HIKESHI: variants seen among roughly 807,000 people sequenced by gnomAD.
HIKESHI encodes the protein heat shock protein nuclear import factor hikeshi.
HIKESHI carries 13 observed loss-of-function variants against 25.7 expected under a neutral mutation model. That is an observed-to-expected ratio of 0.51 (90% confidence interval 0.33 to 0.80). The LOEUF (loss-of-function observed/expected upper bound fraction) is 0.80, where lower values mean the gene tolerates loss of function less well. Among genes scored for constraint, HIKESHI ranks in the 30% least tolerant of loss-of-function variants. HIKESHI has a pLI of 0.02. For missense variants in HIKESHI, 174 were observed against 229.5 expected, an observed-to-expected ratio of 0.76 and a Z score of 1.56; for synonymous variants, 76 against 78.7, an observed-to-expected ratio of 0.97 and a Z score of 0.18.
chr11:86,307,173 A>G (rs5029017), intron 2 of HIKESHI, among the ~76,000 whole-genome samples: 1 of 88,472 alleles, frequency 1.1e-5, no homozygotes, highest in African/African-American at 4.4e-5. Flanking sequence ...TATACATCAT[A>G]TATCAAATAT....
rs932426100 is a variant in HIKESHI at position 86,344,474 on chromosome 11, C to T, written c.421-129C>T. 7.2e-6 allele frequency: 4 copies of T among 553,450 alleles called. No homozygotes were observed. The African/African-American group carries it at 7.8e-5, about 11-fold the overall frequency. 34.3% of individuals were successfully genotyped at this position (553,450 alleles called of 1,614,324 possible). A position where few individuals can be genotyped will look rare whatever the true frequency, so the allele number is the denominator to read the frequency against. The stretch of plus-strand genomic sequence containing the variant: ...TGAGCCACCGCACCCAGCCAGCTTT[C>T]AGCATTAGACTCTCTTAGAACTGAC... On this transcript the variant is annotated intron_variant, in intron 3 of 4. Transcript: ENST00000278483.
rs111789056 is a variant in HIKESHI at position 86,337,761 on chromosome 11, G to A, written c.420+231G>A. On this transcript the variant is annotated intron_variant, in intron 3 of 4. Coordinates refer to ENST00000278483, the MANE Select transcript of HIKESHI (RefSeq NM_016401.4). ...CAATTTCCGCCTCCCGGGTTCAAGC[G>A]ATTCTCCTGCCTCAGTCTCCTGAGT... is the stretch of plus-strand genomic sequence containing the variant. 3.1e-3 allele frequency among the ~76,000 whole-genome samples: 473 copies of A among 152,222 alleles called. 2 individuals are homozygous for A. The highest frequency in any genetic ancestry group is 5.4e-3 in the Non-Finnish European group (369 of 67,994).
rs758026918 is a variant in HIKESHI at position 86,306,324 on chromosome 11, T to C, written c.110T>C (p.Val37Ala). ...GATTATGAAAGTATCAACCATGTTGTGGTTTTTATGCTGGGAACAATCCCA... is the reference window on the plus strand; with the variant it reads ...GATTATGAAAGTATCAACCATGTTGCGGTTTTTATGCTGGGAACAATCCCA... Reference protein sequence around the residue: ...LPDYESINHVVVFMLGTIPFP... With the variant: ...LPDYESINHVAVFMLGTIPFP... Residue 37 changes from valine to alanine, a missense_variant, in exon 2 of 5, where the codon GTG becomes GCG. By Grantham distance (64) the Val-to-Ala change is moderately conservative (BLOSUM62 0). Coordinates refer to ENST00000278483, the MANE Select transcript of HIKESHI (RefSeq NM_016401.4). 6.2e-7 allele frequency: 1 copy of C among 1,614,158 alleles called. No individual in the cohort carries two copies.
chr11:86,318,748 C>T (rs751192025), intron 2 of HIKESHI, among the ~76,000 whole-genome samples: 15 of 152,044 alleles, frequency 9.9e-5, no homozygotes, highest in Non-Finnish European at 1.6e-4. Context: ...CAGAAATGAC[C>T]ACCTCATGGA....
chr11:86,331,897 T>C (rs1947434774), intron 2 of HIKESHI, among the ~76,000 whole-genome samples: 1 of 152,124 alleles, frequency 6.6e-6, no homozygotes, highest in Non-Finnish European at 1.5e-5. Flanking sequence ...TTTAAGTTGT[T>C]TCTGTGTAGT....
chr11:86,317,017 C>A (rs1565727485), intron 2 of HIKESHI, among the ~76,000 whole-genome samples: 1 of 151,960 alleles, frequency 6.6e-6, no homozygotes, highest in Admixed American at 6.6e-5. Flanking sequence ...TGGTCTCGAT[C>A]TCCTGACCTT....
At chr11:86,308,198 T>C (rs1229575755) in intron 2 of HIKESHI, among the ~76,000 whole-genome samples, 1 of 115,670 alleles carries the variant, frequency 8.6e-6, no homozygotes, top group Non-Finnish European at 1.7e-5. Context: ...ATAAAATATA[T>C]ATTATATATA....
chr11:86,319,750 C>T (rs915466816), intron 2 of HIKESHI, among the ~76,000 whole-genome samples: 3 of 152,004 alleles, frequency 2.0e-5, no homozygotes, highest in Non-Finnish European at 4.4e-5. Flanking sequence ...TCTCCATTTC[C>T]AAGAAACTAC....
At chr11:86,309,342 TGTC>T (rs1946771829) in intron 2 of HIKESHI, among the ~76,000 whole-genome samples, 2 of 152,254 alleles carry the variant, frequency 1.3e-5, no homozygotes, top group Non-Finnish European at 2.9e-5. Context: ...TTTTTTCACG[TGTC>T]TGTTGGCTAC....
intron 2 of HIKESHI, among the ~76,000 whole-genome samples, chr11:86,310,785 T>A (rs1946814801): frequency 6.6e-6 from 1 of 152,188 alleles, no homozygotes; most frequent in Non-Finnish European, 1.5e-5. Context: ...GGTGTTGAAT[T>A]TTGTCAAAGG....
At chr11:86,336,086 A>G (rs1947550856) in intron 2 of HIKESHI, among the ~76,000 whole-genome samples, 2 of 152,220 alleles carry the variant, frequency 1.3e-5, no homozygotes, top group Admixed American at 1.3e-4. Context: ...TTATAGCTGA[A>G]AAGTACAGTA....
chr11:86,334,236 ATG>A (rs60951435), intron 2 of HIKESHI, among the ~76,000 whole-genome samples: 8,972 of 146,840 alleles, frequency 0.061, 308 homozygotes, highest in African/African-American at 0.093. Flanking sequence ...TTTGTAAAAT[ATG>A]TGTGTGTGTG....
chr11:86,311,991 A>G (rs1365787000), intron 2 of HIKESHI, among the ~76,000 whole-genome samples: 2 of 152,120 alleles, frequency 1.3e-5, no homozygotes, highest in Non-Finnish European at 2.9e-5. Flanking sequence ...TATGTGGTCA[A>G]TTTTGGAATA....
chr11:86,344,582 A>C, intron 3 of HIKESHI, 21 bp from the exon 4 acceptor site: 1 of 1,333,756 alleles, frequency 7.5e-7, no homozygotes, highest in Non-Finnish European at 1.1e-6. Flanking sequence ...ATAATCCATT[A>C]ATCTATTATT....
At chr11:86,316,356 A>T (rs555860338) in intron 2 of HIKESHI, among the ~76,000 whole-genome samples, 2 of 151,194 alleles carry the variant, frequency 1.3e-5, no homozygotes, top group Non-Finnish European at 3.0e-5. Flanking sequence ...CACTAAAAAT[A>T]CAAAAATTAG....
At chr11:86,323,525 A>G (rs758347142) in intron 2 of HIKESHI, among the ~76,000 whole-genome samples, 3 of 152,242 alleles carry the variant, frequency 2.0e-5, no homozygotes, top group Admixed American at 1.3e-4. Context: ...TTTTTGAGAC[A>G]TACCAATCAA....
At chr11:86,343,297 G>T (rs956433406) in intron 3 of HIKESHI, among the ~76,000 whole-genome samples, 2 of 127,064 alleles carry the variant, frequency 1.6e-5, no homozygotes, top group South Asian at 3.0e-4. Context: ...TGGTGTGGAG[G>T]ACTGCTGTTG....
At chr11:86,312,549 C>T (rs1456106549) in intron 2 of HIKESHI, among the ~76,000 whole-genome samples, 2 of 152,114 alleles carry the variant, frequency 1.3e-5, no homozygotes, top group African/African-American at 4.8e-5. Context: ...GAGCATTTAG[C>T]CCATTTACAT....
In HIKESHI at chr11:86,344,818, C is replaced by G; in HGVS notation, c.539+97C>G. The G allele has an allele frequency of 3.4e-6, 3 of 878,860 alleles. No homozygotes were observed. The Admixed American group carries it at 6.0e-5, about 18-fold the overall frequency. 54.4% of individuals were successfully genotyped at this position (878,860 alleles called of 1,614,324 possible). Reference sequence around the variant, plus strand: ...TCCTTTTTTGACATTTAAACATATTCTTTTATTGTGAACATCAGCACTGCA... The same window carrying G: ...TCCTTTTTTGACATTTAAACATATTGTTTTATTGTGAACATCAGCACTGCA... On this transcript the variant is annotated intron_variant, in intron 4 of 4. Coordinates refer to ENST00000278483, the MANE Select transcript of HIKESHI (RefSeq NM_016401.4).
Sources: gnomAD v4.1 joint callset for allele counts (sites outside exome capture counted in the v4.1 genomes callset) on GRCh38, gnomAD v4.1.1 for gene constraint, MANE v1.5 for transcripts, NCBI Gene and HGNC (gene_info 2026-07-23, HGNC 2026-07-21) for gene names.